Variants in MTAP observed in about 807,000 individuals in gnomAD.
MTAP encodes methylthioadenosine phosphorylase, also known as S-methyl-5'-thioadenosine phosphorylase.
A neutral mutation model predicts 33.6 loss-of-function variants in MTAP; 33 were observed. The ratio of observed to expected loss-of-function variants is 0.98; its 90% CI spans 0.74 to 1.31. The LOEUF is 1.31. Ranked by LOEUF, MTAP falls within the 40% of genes most tolerant of loss-of-function variation. MTAP has a pLI of 0.00. For synonymous variants in MTAP, 148 were observed against 125.7 expected, an observed-to-expected ratio of 1.18 and a Z score of -1.19; for missense variants, 367 against 360.0, an observed-to-expected ratio of 1.02 and a Z score of -0.16.
chr9:21,865,858 T>G lies in MTAP; in HGVS notation c.*3844T>G, dbSNP rs2118611722. 1.1e-6 allele frequency: 1 copy of G among 877,610 alleles called. No homozygotes were observed. The highest frequency in any genetic ancestry group is 5.2e-5 in the South Asian group (1 of 19,184). The allele number at this position is 877,610 out of a possible 1,614,324, so 54.4% of individuals were successfully genotyped here. On this transcript the variant is annotated 3_prime_UTR_variant, in exon 8 of 8. Coordinates refer to ENST00000644715, the MANE Select transcript of MTAP (RefSeq NM_002451.4). ...AGCTTGTGCCTTTTTTATTGCCTAG[T>G]AGTATTCTGTCATATGCCTATCTTA...
At chr9:21,810,510 G>A (rs1824319491) in intron 1 of MTAP, among the ~76,000 whole-genome samples, 1 of 152,142 alleles carries the variant, frequency 6.6e-6, no homozygotes, top group South Asian at 2.1e-4. Flanking sequence ...ACCCTCCCCT[G>A]GGACTGCATG....
chr9:21,814,586 T>G (rs191134209), intron 1 of MTAP, among the ~76,000 whole-genome samples: 1 of 152,332 alleles, frequency 6.6e-6, no homozygotes, highest in East Asian at 1.9e-4. Context: ...ATTGTTCTTG[T>G]TTGTCTTTCT....
At chr9:21,816,238 CG>C in intron 2 of MTAP, among the ~76,000 whole-genome samples, 1 of 152,150 alleles carries the variant, frequency 6.6e-6, no homozygotes, top group South Asian at 2.1e-4. Flanking sequence ...TTAAACCCCT[CG>C]GTTCTAAGGG....
chr9:21,926,075 A>G (rs1043909577), intron 1 of MTAP, among the ~76,000 whole-genome samples: 15 of 152,206 alleles, frequency 9.9e-5, no homozygotes, highest in African/African-American at 3.4e-4. Context: ...ATGCAATCTT[A>G]TGCCTCAAGG....
intron 1 of MTAP, among the ~76,000 whole-genome samples, chr9:21,899,025 C>T (rs1355467482): frequency 6.6e-6 from 1 of 151,990 alleles, no homozygotes; most frequent in Non-Finnish European, 1.5e-5. Flanking sequence ...AAATGTGGCA[C>T]ATATACACCA....
At chr9:21,838,987 A>G (rs1463945121) in intron 5 of MTAP, among the ~76,000 whole-genome samples, 1 of 152,178 alleles carries the variant, frequency 6.6e-6, no homozygotes, top group African/African-American at 2.4e-5. Flanking sequence ...CTACATAATC[A>G]CAGAAAACCC....
chr9:21,915,356 G>C (rs895606124), intron 1 of MTAP, among the ~76,000 whole-genome samples: 3 of 151,990 alleles, frequency 2.0e-5, no homozygotes, highest in African/African-American at 7.3e-5. Flanking sequence ...CTCCCAAAGT[G>C]CTGGGATTAC....
intron 1 of MTAP, among the ~76,000 whole-genome samples, chr9:21,812,609 T>G (rs745392635): frequency 3.9e-5 from 6 of 152,222 alleles, no homozygotes; most frequent in Non-Finnish European, 7.3e-5. Context: ...TTGTCATTGT[T>G]TCCTGAGGGT....
At chr9:21,815,705 C>T (rs527792766) in intron 2 of MTAP, 186 bp downstream of exon 2, 5 of 581,944 alleles carry the variant, frequency 8.6e-6, no homozygotes, top group African/African-American at 3.9e-5. Context: ...GTCTGATGGG[C>T]GCCTCACACT....
chr9:21,806,498 G>A (rs903204636), intron 1 of MTAP, among the ~76,000 whole-genome samples: 2 of 152,032 alleles, frequency 1.3e-5, no homozygotes, highest in Non-Finnish European at 2.9e-5. Flanking sequence ...GATGCTGAGG[G>A]GCCTCTTTGC....
downstream of MTAP, among the ~76,000 whole-genome samples, chr9:21,867,245 C>T (rs75991963): frequency 0.036 from 5,531 of 152,166 alleles, 244 homozygotes; most frequent in African/African-American, 0.1. Context: ...TGAGTTGTTA[C>T]TCTTGTCTTA....
At chr9:21,928,636 T>C (rs533653098) in intron 1 of MTAP, among the ~76,000 whole-genome samples, 1 of 152,140 alleles carries the variant, frequency 6.6e-6, no homozygotes, top group African/African-American at 2.4e-5. Flanking sequence ...ACTTAACAGG[T>C]TAGTAATGCC....
intron 1 of MTAP, among the ~76,000 whole-genome samples, chr9:21,810,758 G>A (rs1295715760): frequency 6.6e-6 from 1 of 152,170 alleles, no homozygotes; most frequent in Non-Finnish European, 1.5e-5. Context: ...ACTGAGAGTT[G>A]GAACTTCAAC....
chr9:21,842,491 A>T (rs1218330882), intron 5 of MTAP, among the ~76,000 whole-genome samples: 1 of 152,228 alleles, frequency 6.6e-6, no homozygotes, highest in Non-Finnish European at 1.5e-5. Context: ...GAATCTTAAG[A>T]ACTGTGAGAC....
chr9:21,846,010 T>C (rs1825371814), intron 5 of MTAP, among the ~76,000 whole-genome samples: 1 of 152,078 alleles, frequency 6.6e-6, no homozygotes, highest in Non-Finnish European at 1.5e-5. Context: ...AAACATACAC[T>C]GAGGAAAGGA....
downstream of MTAP, among the ~76,000 whole-genome samples, chr9:21,940,010 G>C (rs1166183848): frequency 6.6e-6 from 1 of 152,156 alleles, no homozygotes; most frequent in Middle Eastern, 3.2e-3. Flanking sequence ...GCCGGGTGTG[G>C]TGGCTCACGC....
At position 21,802,683 on chromosome 9, in the gene MTAP, C is replaced by A; in HGVS notation, c.-66C>A. The A allele has an allele frequency of 6.4e-7, 1 of 1,568,904 alleles. No individual in the cohort carries two copies. The highest frequency in any genetic ancestry group is 8.6e-7 in the Non-Finnish European group (1 of 1,156,406). On this transcript the variant is annotated 5_prime_UTR_variant, in exon 1 of 8. In the 5' UTR this introduces an upstream ATG that the reference lacks. Coordinates refer to ENST00000644715, the MANE Select transcript of MTAP (RefSeq NM_002451.4). ...CAGTGAGGTTGGCACAGCCACCGCTCTGTGGCTCGCTTGGTTCCCTTAGTC... is the reference window on the plus strand; with the variant it reads ...CAGTGAGGTTGGCACAGCCACCGCTATGTGGCTCGCTTGGTTCCCTTAGTC...
intron 1 of MTAP, among the ~76,000 whole-genome samples, chr9:21,876,177 A>G (rs1445465703): frequency 2.6e-5 from 4 of 152,164 alleles, no homozygotes; most frequent in Non-Finnish European, 4.4e-5. Context: ...TCTTCTTTAG[A>G]AAAGTGCCTG....
chr9:21,859,146 A>C (rs778139842), intron 6 of MTAP, 157 bp from the exon 7 acceptor site: 58 of 1,057,974 alleles, frequency 5.5e-5, no homozygotes, highest in Non-Finnish European at 7.3e-5. Flanking sequence ...CAAATGCCCA[A>C]CCTCCAAATA....
Sources: allele counts gnomAD v4.1 joint callset (sites outside exome capture counted in the v4.1 genomes callset), GRCh38; gene constraint gnomAD v4.1.1; transcripts MANE v1.5; gene names NCBI Gene and HGNC (gene_info 2026-07-23, HGNC 2026-07-21).